The following LRRIQ3 variants were observed in gnomAD, a reference collection of about 807,000 sequenced individuals.
The protein encoded by LRRIQ3 is leucine rich repeats and IQ motif containing 3.
Under a neutral mutation model 59.3 loss-of-function variants are expected in LRRIQ3, and 75 were observed. That is an observed-to-expected ratio of 1.26 (90% CI 1.05 to 1.53). The LOEUF is 1.53. LRRIQ3 is among the 40% of genes most tolerant of loss of function. The pLI is 0.00. For synonymous variants in LRRIQ3, 250 were observed against 231.3 expected (o/e 1.08, Z -0.73); for missense variants, 831 against 710.0 (o/e 1.17, Z -1.94).
intron 4 of LRRIQ3, among the ~76,000 whole-genome samples, chr1:74,136,574 A>C (rs1450863814): frequency 6.6e-6 from 1 of 151,918 alleles, no homozygotes; most frequent in East Asian, 1.9e-4. Flanking sequence ...AATAGCAAAA[A>C]ATCATCAGGG....
At chr1:74,067,012 A>T (rs1175954989) in intron 6 of LRRIQ3, among the ~76,000 whole-genome samples, 1 of 152,182 alleles carries the variant, frequency 6.6e-6, no homozygotes, top group East Asian at 1.9e-4. Context: ...AAGGAAAGCT[A>T]GAAAATGTAG....
At chr1:74,107,394 C>G (rs1162615827) in intron 5 of LRRIQ3, among the ~76,000 whole-genome samples, 1 of 151,848 alleles carries the variant, frequency 6.6e-6, no homozygotes, top group Non-Finnish European at 1.5e-5. Flanking sequence ...ACTCCTTAAC[C>G]CTTTCACTGT....
rs1411808642 is a variant in LRRIQ3 at position 74,104,569 on chromosome 1, A to C, written c.867+4825T>G. Reference sequence around the variant, plus strand: ...AAACACATATCACCAAGTGAAAAGAAGCCAATCTGAAAAGGTTACATACTA... The same window carrying C: ...AAACACATATCACCAAGTGAAAAGACGCCAATCTGAAAAGGTTACATACTA... On this transcript the variant is annotated intron_variant, in intron 5 of 7. Transcript: ENST00000354431. 3.3e-5 allele frequency among the ~76,000 whole-genome samples: 5 copies of C among 152,168 alleles called. No homozygotes were observed. The East Asian group carries it at 9.7e-4, about 29-fold the overall frequency.
intron 7 of LRRIQ3, among the ~76,000 whole-genome samples, chr1:74,030,163 A>G (rs1405826222): frequency 6.6e-6 from 1 of 152,096 alleles, no homozygotes; most frequent in Non-Finnish European, 1.5e-5. Flanking sequence ...CATGGATAGG[A>G]GAATCAATAT....
At chr1:74,196,587 C>T (rs1345486160) in intron 1 of LRRIQ3, among the ~76,000 whole-genome samples, 1 of 152,108 alleles carries the variant, frequency 6.6e-6, no homozygotes, top group Admixed American at 6.5e-5. Context: ...AAATTCTGGA[C>T]CCTATTACCC....
At position 74,074,737 on chromosome 1, in the gene LRRIQ3, C is replaced by A; in HGVS notation, c.921G>T (p.Val307=). The A allele has an allele frequency of 6.9e-7, 1 of 1,446,580 alleles. No individual in the cohort carries two copies. The highest frequency in any genetic ancestry group is 9.3e-7 in the Non-Finnish European group (1 of 1,070,912). The allele number at this position is 1,446,580 out of a possible 1,614,324, so 89.6% of individuals were successfully genotyped here. A position where few individuals can be genotyped will look rare whatever the true frequency, so the allele number is the denominator to read the frequency against. The part of the protein sequence containing the change: ...LKNSSEHRKH[V]SSILCELKPK... ...GTTTTAATTCACATAAAATAGATGA[C>A]ACATGTTTTCTGTGTTCACTGGAAT... The change falls in exon 6 of 8, where the codon GTG becomes GTT. Residue 307 remains valine, a synonymous_variant. Transcript: ENST00000354431.
intron 6 of LRRIQ3, among the ~76,000 whole-genome samples, chr1:74,044,860 A>G (rs1417498992): frequency 6.6e-6 from 1 of 152,226 alleles, no homozygotes; most frequent in Non-Finnish European, 1.5e-5. Context: ...TAGAAAATCT[A>G]GAAGGAATGG....
chr1:74,061,761 A>G (rs542628963), intron 6 of LRRIQ3, among the ~76,000 whole-genome samples: 38 of 152,276 alleles, frequency 2.5e-4, no homozygotes, highest in African/African-American at 7.7e-4. Context: ...CAGGTTGGGC[A>G]TGGTGGCTTA....
intron 4 of LRRIQ3, among the ~76,000 whole-genome samples, chr1:74,129,695 A>C (rs1389918665): frequency 6.6e-6 from 1 of 152,036 alleles, no homozygotes; most frequent in African/African-American, 2.4e-5. Context: ...GCAGGGTCAC[A>C]TCTGAAGCCA....
intron 5 of LRRIQ3, among the ~76,000 whole-genome samples, chr1:74,100,768 A>G (rs1039264237): frequency 5.3e-5 from 8 of 152,164 alleles, no homozygotes; most frequent in African/African-American, 1.9e-4. Context: ...AACTACAACC[A>G]TCTGATCTTT....
chr1:74,110,390 T>G (rs1646678771), intron 4 of LRRIQ3, among the ~76,000 whole-genome samples: 1 of 151,990 alleles, frequency 6.6e-6, no homozygotes, highest in Non-Finnish European at 1.5e-5. Flanking sequence ...ACTATGATCA[T>G]GTATTGTAAA....
At chr1:74,078,945 C>T (rs1479646160) in intron 5 of LRRIQ3, among the ~76,000 whole-genome samples, 1 of 151,738 alleles carries the variant, frequency 6.6e-6, no homozygotes, top group African/African-American at 2.4e-5. Flanking sequence ...TCTTCTGAAA[C>T]CTTATGCCTA....
intron 4 of LRRIQ3, among the ~76,000 whole-genome samples, chr1:74,131,694 C>A (rs904284269): frequency 2.6e-5 from 4 of 152,118 alleles, no homozygotes; most frequent in African/African-American, 7.2e-5. Flanking sequence ...GCTAAGAACT[C>A]TCAATAAATT....
At chr1:74,091,262 G>C (rs987649840) in intron 5 of LRRIQ3, among the ~76,000 whole-genome samples, 2 of 152,104 alleles carry the variant, frequency 1.3e-5, no homozygotes, top group African/African-American at 4.8e-5. Context: ...TTTAAATTGT[G>C]TCATGGTCAA....
At chr1:74,110,398 A>G (rs1307240156) in intron 4 of LRRIQ3, among the ~76,000 whole-genome samples, 2 of 152,028 alleles carry the variant, frequency 1.3e-5, no homozygotes, top group African/African-American at 4.8e-5. Flanking sequence ...CATGTATTGT[A>G]AAACTCACTA....
At chr1:74,105,810 T>C (rs950108800) in intron 5 of LRRIQ3, among the ~76,000 whole-genome samples, 7 of 151,998 alleles carry the variant, frequency 4.6e-5, no homozygotes, top group African/African-American at 1.7e-4. Context: ...GAAAAATTAA[T>C]CTTTGGAAGC....
intron 5 of LRRIQ3, among the ~76,000 whole-genome samples, chr1:74,107,085 GT>G (rs1382640551): frequency 2.6e-5 from 4 of 151,890 alleles, no homozygotes; most frequent in African/African-American, 9.7e-5. Flanking sequence ...TGAATATCTA[GT>G]TTTGCATCGT....
At chr1:74,097,640 G>A (rs969478454) in intron 5 of LRRIQ3, among the ~76,000 whole-genome samples, 1 of 152,046 alleles carries the variant, frequency 6.6e-6, no homozygotes, top group African/African-American at 2.4e-5. Flanking sequence ...AAAAAATGTT[G>A]AGGGCAGCCA....
At chr1:74,154,260 A>G (rs1363208687) in intron 4 of LRRIQ3, among the ~76,000 whole-genome samples, 1 of 144,370 alleles carries the variant, frequency 6.9e-6, no homozygotes, top group Non-Finnish European at 1.5e-5. Context: ...AAAAAAAAAA[A>G]AAAAAAAAAA....
Sources: allele counts gnomAD v4.1 joint callset (sites outside exome capture counted in the v4.1 genomes callset), GRCh38; gene constraint gnomAD v4.1.1; transcripts MANE v1.5; gene names NCBI Gene and HGNC (gene_info 2026-07-23, HGNC 2026-07-21).